Variants in MYO16 observed in about 807,000 individuals in gnomAD.
MYO16 encodes myosin XVI.
MYO16 carries 94 observed loss-of-function variants against 205.3 expected under a neutral mutation model. That is an observed-to-expected ratio of 0.46 (90% CI 0.39 to 0.54). The LOEUF is 0.54. Among genes scored for constraint, MYO16 ranks in the 20% least tolerant of loss-of-function variants. MYO16 has a pLI of 0.00. For missense variants in MYO16, 2,315 were observed against 2,387.5 expected (o/e 0.97, Z 0.63); for synonymous variants, 988 against 954.0 (o/e 1.04, Z -0.66).
chr13:109,068,740 T>C (rs532003211), intron 27 of MYO16, among the ~76,000 whole-genome samples: 1 of 152,212 alleles, frequency 6.6e-6, no homozygotes, highest in East Asian at 1.9e-4. Flanking sequence ...TACAGGCATG[T>C]GCCACCATGC....
At chr13:108,589,266 C>T in the MYO16 span, among the ~76,000 whole-genome samples, 9 of 152,198 alleles carry the variant, frequency 5.9e-5, no homozygotes, top group South Asian at 1.0e-3. Flanking sequence ...CTTTTCCTAC[C>T]GAACAGATTT....
chr13:108,772,263 G>A (rs1885991218), intron 4 of MYO16, among the ~76,000 whole-genome samples: 1 of 152,086 alleles, frequency 6.6e-6, no homozygotes, highest in South Asian at 2.1e-4. Context: ...GGAGGCTGAG[G>A]CAGGAGAGCC....
At chr13:109,170,453 T>G (rs1878879530) in intron 33 of MYO16, among the ~76,000 whole-genome samples, 1 of 152,090 alleles carries the variant, frequency 6.6e-6, no homozygotes, top group Admixed American at 6.5e-5. Flanking sequence ...CAGTAGCGAT[T>G]TGGAGAGATG....
intron 10 of MYO16, among the ~76,000 whole-genome samples, chr13:108,852,468 T>A (rs1295514358): frequency 6.6e-6 from 1 of 152,224 alleles, no homozygotes; most frequent in Admixed American, 6.5e-5. Context: ...TCTCTGGGCC[T>A]TAAGTTCTTC....
At chr13:108,732,884 G>A (rs1052713827) in intron 4 of MYO16, among the ~76,000 whole-genome samples, 2 of 152,122 alleles carry the variant, frequency 1.3e-5, no homozygotes, top group East Asian at 1.9e-4. Context: ...TTGTGTGATT[G>A]GATTTAGGGT....
At chr13:108,589,182 T>G in the MYO16 span, among the ~76,000 whole-genome samples, 1 of 152,210 alleles carries the variant, frequency 6.6e-6, no homozygotes, top group Middle Eastern at 3.2e-3. Flanking sequence ...TTATTTTTTC[T>G]CAAGGGCCCT....
chr13:108,957,771 C>G lies in MYO16; in HGVS notation c.2009C>G (p.Ala670Gly), dbSNP rs779704521. The change falls in exon 17 of 35, where the codon GCC (alanine) becomes GGC (glycine). Residue 670 changes from alanine to glycine, a missense_variant. Ala to Gly is a moderately conservative substitution (Grantham distance 60, BLOSUM62 0). This residue lies in a region of MYO16 where 1,213 missense variants were observed against 1,274.4 expected (regional missense o/e 0.95). Coordinates refer to ENST00000457511, the MANE Select transcript of MYO16 (RefSeq NM_001198950.3). ...GAGAAATTGGCTGTTTTGAAACGAG[C>G]CCTGAATGTAGTTGGCTTCAGCAGC... ...NREKLAVLKR[A>G]LNVVGFSSLE... The G allele has an allele frequency of 8.1e-6, 13 of 1,613,668 alleles. No individual in the cohort carries two copies. Among genetic ancestry groups the G allele is most frequent in the Non-Finnish European group, 1.1e-5 (13 of 1,179,648 alleles).
chr13:108,897,548 G>A (rs1880486565), intron 14 of MYO16, among the ~76,000 whole-genome samples: 1 of 152,086 alleles, frequency 6.6e-6, no homozygotes, highest in African/African-American at 2.4e-5. Flanking sequence ...GAGTATGAGT[G>A]GAAAGTAAAT....
At chr13:109,190,212 G>T (rs1475516987) in intron 34 of MYO16, among the ~76,000 whole-genome samples, 1 of 152,016 alleles carries the variant, frequency 6.6e-6, no homozygotes, top group Non-Finnish European at 1.5e-5. Flanking sequence ...TAAAGTTTAG[G>T]TTTGTTTTTT....
chr13:109,141,561 T>C lies in MYO16; in HGVS notation c.5164+185T>C, dbSNP rs1384635625. The stretch of plus-strand genomic sequence containing the variant: ...CCACTGTGACCAAATAGGTAGGAAT[T>C]AATATTTCCATATTGCAGAATATGA... On this transcript the variant is annotated intron_variant, in intron 32 of 34. Transcript: ENST00000457511. This position sits in a 1 kb window ranked among gnomAD's most constrained non-coding sequence, Gnocchi z 4.1. Among the ~76,000 whole-genome samples, 2 of 152,194 alleles carry C rather than the reference T, an allele frequency of 1.3e-5. No individual in the cohort carries two copies. Among genetic ancestry groups the C allele is most frequent in the East Asian group, 1.9e-4 (1 of 5,198 alleles).
chr13:108,967,387 G>T (rs961352792), intron 20 of MYO16, among the ~76,000 whole-genome samples: 2 of 152,078 alleles, frequency 1.3e-5, no homozygotes, highest in African/African-American at 4.8e-5. Flanking sequence ...GATCCAAATA[G>T]GTTTTGCTTC....
the MYO16 span, among the ~76,000 whole-genome samples, chr13:108,522,017 T>C: frequency 6.6e-6 from 1 of 152,234 alleles, no homozygotes; most frequent in Admixed American, 6.5e-5. Context: ...TAGTATTGTG[T>C]ACACAGGTTT....
chr13:108,541,394 A>G, the MYO16 span, among the ~76,000 whole-genome samples: 350 of 151,006 alleles, frequency 2.3e-3, 2 homozygotes, highest in African/African-American at 8.1e-3. Flanking sequence ...ATATACATTA[A>G]TTTTTGTATT....
intron 32 of MYO16, among the ~76,000 whole-genome samples, chr13:109,148,422 A>G (rs1393418607): frequency 1.3e-5 from 2 of 152,246 alleles, no homozygotes; most frequent in Admixed American, 6.5e-5. Context: ...CAGTCATCCA[A>G]TAAGCATGTA....
intron 12 of MYO16, among the ~76,000 whole-genome samples, chr13:108,869,462 C>T (rs1315938485): frequency 6.6e-6 from 1 of 151,822 alleles, no homozygotes; most frequent in Non-Finnish European, 1.5e-5. Flanking sequence ...CGGTGGCTCA[C>T]TCCTGTAATC....
intron 33 of MYO16, among the ~76,000 whole-genome samples, chr13:109,165,494 A>G (rs1214177855): frequency 1.3e-5 from 2 of 152,240 alleles, no homozygotes; most frequent in Non-Finnish European, 2.9e-5. Context: ...GCTTGATTGC[A>G]GGTACAAAAG....
chr13:108,982,388 T>G (rs868094749), intron 20 of MYO16, among the ~76,000 whole-genome samples: 20 of 152,288 alleles, frequency 1.3e-4, no homozygotes, highest in Middle Eastern at 3.4e-3. Context: ...ATACAACTTA[T>G]TTTTTAAAAA....
the MYO16 span, among the ~76,000 whole-genome samples, chr13:108,503,036 G>A: frequency 1.3e-5 from 2 of 152,286 alleles, no homozygotes; most frequent in South Asian, 4.1e-4. Flanking sequence ...GTTTTCTGGA[G>A]TGAAGCTAAG....
At chr13:108,721,854 G>A (rs1160346209) in intron 3 of MYO16, among the ~76,000 whole-genome samples, 1 of 152,142 alleles carries the variant, frequency 6.6e-6, no homozygotes, top group Admixed American at 6.5e-5. Flanking sequence ...TGGAAATTGG[G>A]CTGGGTTCGC....
Sources: allele counts gnomAD v4.1 joint callset (sites outside exome capture counted in the v4.1 genomes callset), GRCh38; gene constraint gnomAD v4.1.1; regional missense constraint gnomAD v4.1.1; non-coding constraint Gnocchi (gnomAD v3.1); transcripts MANE v1.5; gene names NCBI Gene and HGNC (gene_info 2026-07-23, HGNC 2026-07-21).